LRRC4C: variants seen among roughly 807,000 people sequenced by gnomAD.
LRRC4C encodes leucine rich repeat containing 4C.
A neutral mutation model predicts 33.6 loss-of-function variants in LRRC4C; 5 were observed. The ratio of observed to expected loss-of-function variants is 0.15; its 90% CI spans 0.08 to 0.31. The LOEUF is 0.31. LRRC4C is among the 10% of genes least tolerant of loss of function. The probability of loss-of-function intolerance (pLI) is 1.00; values close to 1 mark genes in which losing one functional copy is unlikely to be tolerated. For missense variants in LRRC4C, 560 were observed against 796.7 expected (o/e 0.70, Z 3.58); for synonymous variants, 329 against 302.0 (o/e 1.09, Z -0.93).
intron 2 of LRRC4C, among the ~76,000 whole-genome samples, chr11:40,860,328 A>T (rs759928327): frequency 5.7e-4 from 86 of 152,136 alleles, no homozygotes; most frequent in Non-Finnish European, 9.3e-4. Context: ...CCACCAGCCG[A>T]GTAAGTTACA....
intron 2 of LRRC4C, among the ~76,000 whole-genome samples, chr11:40,900,589 CTA>C (rs1284402824): frequency 5.3e-5 from 8 of 151,820 alleles, no homozygotes; most frequent in African/African-American, 1.9e-4. Context: ...TGTCATATAT[CTA>C]TTTCTCTGTT....
intron 1 of LRRC4C, among the ~76,000 whole-genome samples, chr11:41,458,155 C>T (rs1956228666): frequency 6.6e-6 from 1 of 152,128 alleles, no homozygotes; most frequent in Non-Finnish European, 1.5e-5. Context: ...ACATCAACAG[C>T]TGGAGAGAAT....
At chr11:40,903,505 T>C (rs937714536) in intron 2 of LRRC4C, among the ~76,000 whole-genome samples, 180 of 152,316 alleles carry the variant, frequency 1.2e-3, no homozygotes, top group African/African-American at 4.2e-3. Context: ...ACAGCTGACA[T>C]AGATAATGAT....
At chr11:40,815,824 G>A (rs1951684618) in intron 2 of LRRC4C, among the ~76,000 whole-genome samples, 1 of 152,186 alleles carries the variant, frequency 6.6e-6, no homozygotes, top group Non-Finnish European at 1.5e-5. Flanking sequence ...TGTTATAAAA[G>A]TGACACTTTT....
chr11:40,868,651 T>C (rs935868724), intron 2 of LRRC4C, among the ~76,000 whole-genome samples: 2 of 152,194 alleles, frequency 1.3e-5, no homozygotes, highest in Non-Finnish European at 2.9e-5. Flanking sequence ...GCCACTTCCC[T>C]TGTTAGATCA....
chr11:40,870,672 C>G (rs1591949731), intron 2 of LRRC4C, among the ~76,000 whole-genome samples: 1 of 152,308 alleles, frequency 6.6e-6, no homozygotes, highest in East Asian at 1.9e-4. Context: ...CTATGCCTGT[C>G]TTTATTTTAA....
At chr11:40,788,557 G>A (rs1950502299) in intron 2 of LRRC4C, among the ~76,000 whole-genome samples, 1 of 152,066 alleles carries the variant, frequency 6.6e-6, no homozygotes. Flanking sequence ...TGCTGTTTCT[G>A]GCAATTGAAT....
chr11:41,457,227 A>G (rs1956197471), intron 1 of LRRC4C, among the ~76,000 whole-genome samples: 1 of 152,182 alleles, frequency 6.6e-6, no homozygotes, highest in Non-Finnish European at 1.5e-5. Context: ...TCAACATTAA[A>G]TAGCCTCAAT....
At chr11:40,683,782 A>C (rs905205569) in intron 2 of LRRC4C, among the ~76,000 whole-genome samples, 1 of 152,200 alleles carries the variant, frequency 6.6e-6, no homozygotes, top group African/African-American at 2.4e-5. Context: ...TCATAAAAAG[A>C]AAGAATAGAA....
chr11:40,641,477 A>T (rs1312779920), intron 3 of LRRC4C, among the ~76,000 whole-genome samples: 2 of 152,214 alleles, frequency 1.3e-5, no homozygotes, highest in African/African-American at 4.8e-5. Context: ...CCAACGGAAT[A>T]AAGATCAGAA....
At chr11:40,432,887 C>A (rs1448928024) in intron 3 of LRRC4C, among the ~76,000 whole-genome samples, 1 of 152,006 alleles carries the variant, frequency 6.6e-6, no homozygotes, top group Admixed American at 6.5e-5. Context: ...TTTTTAAGAC[C>A]AATAAATAGA....
intron 1 of LRRC4C, among the ~76,000 whole-genome samples, chr11:40,985,244 C>A (rs1384165927): frequency 6.6e-6 from 1 of 152,006 alleles, no homozygotes; most frequent in East Asian, 1.9e-4. Context: ...GTACACATTA[C>A]AGAAAGAATG....
chr11:40,522,253 C>G (rs879314046), intron 3 of LRRC4C, among the ~76,000 whole-genome samples: 2 of 152,232 alleles, frequency 1.3e-5, no homozygotes, highest in Non-Finnish European at 2.9e-5. Context: ...TGGTCTTGAA[C>G]TTTTGACCTC....
At chr11:40,858,164 A>G (rs187838345) in intron 2 of LRRC4C, among the ~76,000 whole-genome samples, 122 of 152,288 alleles carry the variant, frequency 8.0e-4, no homozygotes, top group South Asian at 2.1e-4. Context: ...TCAACTTCTC[A>G]GTCGTCATAC....
chr11:40,116,829 T>G (rs1855472763), intron 6 of LRRC4C, among the ~76,000 whole-genome samples: 1 of 152,222 alleles, frequency 6.6e-6, no homozygotes, highest in South Asian at 2.1e-4. Context: ...TGGAAATGGT[T>G]ACATAATTTG....
At chr11:40,140,596 A>G (rs1290441482) in intron 6 of LRRC4C, among the ~76,000 whole-genome samples, 1 of 152,162 alleles carries the variant, frequency 6.6e-6, no homozygotes, top group Non-Finnish European at 1.5e-5. Flanking sequence ...GACTCAGTGG[A>G]TATGTCTTTT....
chr11:40,990,900 GA>G (rs2137244610), intron 1 of LRRC4C, among the ~76,000 whole-genome samples: 1 of 151,570 alleles, frequency 6.6e-6, no homozygotes, highest in Non-Finnish European at 1.5e-5. Context: ...TTTATACAAG[GA>G]AGTACAAAGA....
At chr11:40,337,859 G>A (rs898507174) in intron 3 of LRRC4C, among the ~76,000 whole-genome samples, 2 of 152,070 alleles carry the variant, frequency 1.3e-5, no homozygotes, top group Non-Finnish European at 2.9e-5. Flanking sequence ...ATACGCCCCA[G>A]TGTGCGTTCT....
chr11:40,635,375 G>A (rs1036853037), intron 3 of LRRC4C, among the ~76,000 whole-genome samples: 2 of 152,124 alleles, frequency 1.3e-5, no homozygotes, highest in Non-Finnish European at 2.9e-5. Flanking sequence ...AAATTTCTCA[G>A]CCACTCTAGA....
Sources: allele counts gnomAD v4.1 joint callset (sites outside exome capture counted in the v4.1 genomes callset), GRCh38; gene constraint gnomAD v4.1.1; transcripts MANE v1.5; gene names NCBI Gene and HGNC (gene_info 2026-07-23, HGNC 2026-07-21).